PCSK5: variants seen among roughly 807,000 people sequenced by gnomAD.
PCSK5 encodes prohormone convertase 5.
PCSK5 carries 129 observed loss-of-function variants against 233.2 expected under a neutral mutation model. That is an observed-to-expected ratio of 0.55 (90% CI 0.48 to 0.64). PCSK5 has a LOEUF of 0.64. Among genes scored for constraint, PCSK5 ranks in the 30% least tolerant of loss-of-function variants. The pLI, the probability that PCSK5 is intolerant of heterozygous loss-of-function variation, is 0.00. For synonymous variants in PCSK5, 825 were observed against 879.2 expected (o/e 0.94, Z 1.09); for missense variants, 2,076 against 2,430.1 (o/e 0.85, Z 3.06).
At chr9:76,064,178 G>T (rs1271678949) in intron 5 of PCSK5, among the ~76,000 whole-genome samples, 3 of 120,960 alleles carry the variant, frequency 2.5e-5, no homozygotes, top group African/African-American at 7.8e-5. Flanking sequence ...CTGGCCAGGC[G>T]GGGGGCTGAC....
intron 24 of PCSK5, among the ~76,000 whole-genome samples, chr9:76,257,672 G>T (rs1827028229): frequency 6.6e-6 from 1 of 152,160 alleles, no homozygotes; most frequent in East Asian, 1.9e-4. Context: ...GCGGCAAGCT[G>T]GAGAAGGACC....
At chr9:75,936,514 A>G (rs1477147322) in intron 2 of PCSK5, among the ~76,000 whole-genome samples, 1 of 152,246 alleles carries the variant, frequency 6.6e-6, no homozygotes, top group Non-Finnish European at 1.5e-5. Context: ...CATCTTCACC[A>G]GTAGATCCCG....
In PCSK5 at chr9:76,351,596, A is replaced by G. The variant is rs1229230888; in HGVS notation, c.5067+668A>G. Among the ~76,000 whole-genome samples the G allele has an allele frequency of 7.9e-5, 4 of 50,466 alleles. 2 individuals carry two copies. The highest frequency in any genetic ancestry group is 2.7e-4 in the Non-Finnish European group (4 of 14,760). The allele number at this position is 50,466 out of a possible 152,430, so 33.1% of individuals were successfully genotyped here. A position where few individuals can be genotyped will look rare whatever the true frequency, so the allele number is the denominator to read the frequency against. ...GGGAAGGGAGGAAGGAGAGAGAGAA[A>G]GAAAGAGAAGAAAGAAAAAGAAAGA... On this transcript the variant is annotated intron_variant, in intron 36 of 37. Transcript: ENST00000674117.
chr9:76,171,366 C>T (rs745326423), intron 13 of PCSK5, among the ~76,000 whole-genome samples: 7 of 152,154 alleles, frequency 4.6e-5, no homozygotes, highest in Middle Eastern at 3.4e-3. Context: ...CAAGAGACCC[C>T]GGAGAAATAA....
At chr9:76,333,572 G>A (rs948850558) in intron 34 of PCSK5, among the ~76,000 whole-genome samples, 3 of 152,186 alleles carry the variant, frequency 2.0e-5, no homozygotes, top group Non-Finnish European at 2.9e-5. Flanking sequence ...AGAACTGTTA[G>A]TGTTATCAGA....
At chr9:76,248,748 T>C (rs902503655) in intron 24 of PCSK5, among the ~76,000 whole-genome samples, 6 of 152,196 alleles carry the variant, frequency 3.9e-5, no homozygotes, top group African/African-American at 1.4e-4. Context: ...TCTCCTGATG[T>C]GGTACTCAAG....
chr9:76,118,909 T>C (rs1226460900), intron 9 of PCSK5, among the ~76,000 whole-genome samples: 1 of 152,118 alleles, frequency 6.6e-6, no homozygotes, highest in Admixed American at 6.6e-5. Flanking sequence ...ATACTTTGTC[T>C]TTAATCTGCA....
rs573121526 is a variant in PCSK5 at position 76,280,147 on chromosome 9, A to T, written c.3143-12086A>T. On this transcript the variant is annotated intron_variant, in intron 24 of 37. Transcript: ENST00000674117. ...ATTTTGAACTTTTCATCATTATTTT[A>T]TCTGTTATGGTGATCACAGTGATCA... Among the ~76,000 whole-genome samples the T allele has an allele frequency of 1.1e-3, 161 of 152,198 alleles. 1 individual carries two copies. The highest frequency in any genetic ancestry group is 1.8e-3 in the Non-Finnish European group (124 of 68,018).
intron 21 of PCSK5, among the ~76,000 whole-genome samples, chr9:76,230,400 G>T (rs545105058): frequency 4.6e-5 from 7 of 152,312 alleles, no homozygotes; most frequent in African/African-American, 1.7e-4. Flanking sequence ...CATAAACATG[G>T]AAGGGTTCTA....
intron 2 of PCSK5, among the ~76,000 whole-genome samples, chr9:75,945,477 C>T (rs146446122): frequency 2.4e-4 from 36 of 152,276 alleles, no homozygotes; most frequent in African/African-American, 7.5e-4. Flanking sequence ...GTTAATTCCA[C>T]CATCAGTGTT....
chr9:76,028,999 C>T (rs1288720737), intron 5 of PCSK5, among the ~76,000 whole-genome samples: 1 of 152,122 alleles, frequency 6.6e-6, no homozygotes, highest in Non-Finnish European at 1.5e-5. Context: ...GGTTTCATAA[C>T]ACCTTATTCT....
intron 1 of PCSK5, among the ~76,000 whole-genome samples, chr9:75,915,216 C>T: frequency 6.6e-6 from 1 of 152,186 alleles, no homozygotes; most frequent in East Asian, 1.9e-4. Flanking sequence ...GGCTGGCAAG[C>T]TAACCTTGGC....
At chr9:76,035,707 T>A (rs527331265) in intron 5 of PCSK5, among the ~76,000 whole-genome samples, 2 of 152,264 alleles carry the variant, frequency 1.3e-5, no homozygotes, top group Non-Finnish European at 2.9e-5. Context: ...GGATTAAGCA[T>A]TTAAACAGGT....
intron 2 of PCSK5, among the ~76,000 whole-genome samples, chr9:75,946,449 T>C (rs963826356): frequency 6.6e-6 from 1 of 152,254 alleles, no homozygotes; most frequent in African/African-American, 2.4e-5. Context: ...TAATGTTCAT[T>C]CTGATCCATT....
chr9:76,303,102 A>T (rs1202668368), intron 28 of PCSK5, among the ~76,000 whole-genome samples: 2 of 151,818 alleles, frequency 1.3e-5, no homozygotes, highest in Non-Finnish European at 2.9e-5. Flanking sequence ...CTTGCTGAGG[A>T]GGACTTTATG....
At chr9:76,146,412 A>G (rs1266623502) in intron 10 of PCSK5, among the ~76,000 whole-genome samples, 1 of 152,088 alleles carries the variant, frequency 6.6e-6, no homozygotes, top group African/African-American at 2.4e-5. Context: ...CCCTGATAGA[A>G]ATGACTGAAG....
At chr9:76,162,757 CAG>C (rs1180360436) in intron 12 of PCSK5, among the ~76,000 whole-genome samples, 1 of 152,112 alleles carries the variant, frequency 6.6e-6, no homozygotes, top group Admixed American at 6.5e-5. Context: ...GTTTGAGATG[CAG>C]ATGTTGGCTT....
At chr9:76,261,917 G>T (rs1827185958) in intron 24 of PCSK5, among the ~76,000 whole-genome samples, 1 of 152,056 alleles carries the variant, frequency 6.6e-6, no homozygotes, top group South Asian at 2.1e-4. Context: ...TGAGATGATG[G>T]GGTTTTCTAG....
rs1466313331 is a variant in PCSK5, at chr9:75,891,028, C to G, written c.-154C>G. ...GTAAGGCTCGCTGCTCTGCTCCCTG[C>G]CGGGGCTAGCCGCCTCCTGCCGATC... On this transcript the variant is annotated 5_prime_UTR_variant, in exon 1 of 38. Coordinates refer to ENST00000674117, the MANE Select transcript of PCSK5 (RefSeq NM_001372043.1). 1.9e-6 allele frequency: 1 copy of G among 530,248 alleles called. No homozygotes were observed. Among genetic ancestry groups the G allele is most frequent in the Non-Finnish European group, 3.0e-6 (1 of 331,534 alleles). The allele number at this position is 530,248 out of a possible 1,614,324, so 32.8% of individuals were successfully genotyped here. A position where few individuals can be genotyped will look rare whatever the true frequency, so the allele number is the denominator to read the frequency against.
Sources: allele counts gnomAD v4.1 joint callset (sites outside exome capture counted in the v4.1 genomes callset), GRCh38; gene constraint gnomAD v4.1.1; transcripts MANE v1.5; gene names NCBI Gene and HGNC (gene_info 2026-07-23, HGNC 2026-07-21).